Variants in PHACTR3 observed in about 807,000 individuals in gnomAD.
PHACTR3 encodes the protein phosphatase and actin regulator 3.
A neutral mutation model predicts 66.8 loss-of-function variants in PHACTR3; 16 were observed. That is an observed-to-expected ratio of 0.24 (90% CI 0.16 to 0.36). The LOEUF (loss-of-function observed/expected upper bound fraction) is 0.36. Among genes scored for constraint, PHACTR3 ranks in the 10% least tolerant of loss-of-function variants. The pLI is 1.00. For missense variants in PHACTR3, 647 were observed against 719.9 expected (o/e 0.90, Z 1.16); for synonymous variants, 323 against 292.1 (o/e 1.11, Z -1.08).
chr20:59,825,082 G>A (rs548862161), intron 8 of PHACTR3, among the ~76,000 whole-genome samples: 40 of 152,328 alleles, frequency 2.6e-4, no homozygotes, highest in African/African-American at 9.4e-4. Flanking sequence ...GCCAGCTTGA[G>A]AGGCTGTGCA....
chr20:59,783,029 C>T (rs1019162113), intron 7 of PHACTR3, among the ~76,000 whole-genome samples: 3 of 152,150 alleles, frequency 2.0e-5, no homozygotes, highest in East Asian at 1.9e-4. Context: ...ATTTGAATGC[C>T]ATTTTAAGTG....
At chr20:59,630,634 T>C (rs898522913) in intron 1 of PHACTR3, among the ~76,000 whole-genome samples, 1 of 152,138 alleles carries the variant, frequency 6.6e-6, no homozygotes, top group African/African-American at 2.4e-5. Flanking sequence ...GTGAGTGAAG[T>C]TGGGGAGACA....
chr20:59,706,450 A>G lies in PHACTR3; in HGVS notation c.119-36657A>G, dbSNP rs1338377513. Among the ~76,000 whole-genome samples the G allele has an allele frequency of 5.9e-5, 9 of 152,332 alleles. No individual in the cohort carries two copies. The South Asian group carries it at 1.9e-3, about 32-fold the overall frequency. ...TCTGGAGACTTTTGCAAAGGTGGGAATGGGGACACATGGCACTGTGACCCC... is the reference window on the plus strand; with the variant it reads ...TCTGGAGACTTTTGCAAAGGTGGGAGTGGGGACACATGGCACTGTGACCCC... On this transcript the variant is annotated intron_variant, in intron 1 of 12. Coordinates refer to ENST00000371015, the MANE Select transcript of PHACTR3 (RefSeq NM_080672.5).
At chr20:59,581,880 CAAAA>C (rs11478164) in intron 1 of PHACTR3, among the ~76,000 whole-genome samples, 3 of 133,462 alleles carry the variant, frequency 2.2e-5, no homozygotes, top group Non-Finnish European at 1.7e-5. Context: ...GACTCCGTCT[CAAAA>C]AAAAAAAAAA....
At chr20:59,622,758 G>A (rs1878449042) in intron 1 of PHACTR3, among the ~76,000 whole-genome samples, 1 of 151,872 alleles carries the variant, frequency 6.6e-6, no homozygotes, top group Non-Finnish European at 1.5e-5. Context: ...GCTCCCATCT[G>A]TCCATCTGTC....
intron 7 of PHACTR3, among the ~76,000 whole-genome samples, chr20:59,775,837 A>G (rs183678399): frequency 6.6e-6 from 1 of 152,340 alleles, no homozygotes; most frequent in African/African-American, 2.4e-5. Context: ...GTCAAGGGCT[A>G]GAGCACGGTC....
intron 1 of PHACTR3, among the ~76,000 whole-genome samples, chr20:59,717,491 T>A (rs1313127221): frequency 6.6e-6 from 1 of 152,206 alleles, no homozygotes; most frequent in East Asian, 1.9e-4. Context: ...CTCATTTAAC[T>A]GTGACAACAG....
At chr20:59,767,933 T>G (rs2040237211) in intron 5 of PHACTR3, among the ~76,000 whole-genome samples, 1 of 152,120 alleles carries the variant, frequency 6.6e-6, no homozygotes, top group Admixed American at 6.6e-5. Context: ...TGCTTCTCTC[T>G]GAGTCTCAGT....
At chr20:59,597,206 T>C (rs889227870) in intron 1 of PHACTR3, among the ~76,000 whole-genome samples, 2 of 152,226 alleles carry the variant, frequency 1.3e-5, no homozygotes, top group African/African-American at 4.8e-5. Flanking sequence ...TCAACTTCAT[T>C]GTTTGTAAGA....
chr20:59,778,494 C>G (rs1375187041), intron 7 of PHACTR3, among the ~76,000 whole-genome samples: 3 of 152,228 alleles, frequency 2.0e-5, no homozygotes, highest in Admixed American at 6.5e-5. Flanking sequence ...CAGGAAGCCA[C>G]CTGGCCGCTG....
Position 59,673,076 on chromosome 20 carries a change from GTC to G in PHACTR3, c.118+67950_118+67951del, listed in dbSNP as rs138500307. 8.6e-3 allele frequency among the ~76,000 whole-genome samples: 1,314 copies of G among 152,312 alleles called. 24 individuals carry two copies. Among genetic ancestry groups the G allele is most frequent in the African/African-American group, 0.029 (1,223 of 41,562 alleles). On this transcript the variant is annotated intron_variant, in intron 1 of 12. Transcript: ENST00000371015. ...AGGAGGGTACCTCATCTCCCTCAGCGTCTCTCTAGTGTGTGAGGCTGTGTAGT... is the reference window on the plus strand; with the variant it reads ...AGGAGGGTACCTCATCTCCCTCAGCGTCTCTAGTGTGTGAGGCTGTGTAGT...
At chr20:59,734,526 G>A (rs2038877781) in intron 1 of PHACTR3, among the ~76,000 whole-genome samples, 1 of 152,114 alleles carries the variant, frequency 6.6e-6, no homozygotes, top group South Asian at 2.1e-4. Flanking sequence ...CCAAGCCACT[G>A]AGCCCAGGCC....
At chr20:59,840,466 G>C (rs749232468) in intron 10 of PHACTR3, 36 bp downstream of exon 10, 1 of 1,610,230 alleles carries the variant, frequency 6.2e-7, no homozygotes, top group South Asian at 1.1e-5. Flanking sequence ...ATAATAAAAG[G>C]TGGTCTAGAG....
chr20:59,747,573 A>G (rs537625238), intron 2 of PHACTR3, among the ~76,000 whole-genome samples, 185 bp from the exon 3 acceptor site: 2 of 152,366 alleles, frequency 1.3e-5, no homozygotes, highest in East Asian at 1.9e-4. Flanking sequence ...GTTTATGCAC[A>G]TTGCTTAGCA....
chr20:59,757,494 G>T (rs2039841938), intron 4 of PHACTR3, among the ~76,000 whole-genome samples: 1 of 151,186 alleles, frequency 6.6e-6, no homozygotes, highest in African/African-American at 2.4e-5. Context: ...CAAAGACAGG[G>T]GACAGGAACA....
At chr20:59,805,873 G>C (rs144579744) in intron 7 of PHACTR3, among the ~76,000 whole-genome samples, 168 bp from the exon 8 acceptor site, 2 of 152,324 alleles carry the variant, frequency 1.3e-5, no homozygotes, top group Non-Finnish European at 2.9e-5. Context: ...TGTTCCACTG[G>C]AAAGTGCCGC....
chr20:59,839,622 T>C (rs2059022507), intron 9 of PHACTR3, among the ~76,000 whole-genome samples: 1 of 152,206 alleles, frequency 6.6e-6, no homozygotes, highest in African/African-American at 2.4e-5. Context: ...GCTTACGTTT[T>C]ATACTATATC....
chr20:59,649,560 AGAAG>A (rs2035392795), intron 1 of PHACTR3, among the ~76,000 whole-genome samples: 2 of 152,202 alleles, frequency 1.3e-5, no homozygotes, highest in African/African-American at 4.8e-5. Context: ...TTGGTTTTGA[AGAAG>A]AGCTTCTCCA....
chr20:59,787,747 C>T (rs2040961551), intron 7 of PHACTR3, among the ~76,000 whole-genome samples: 1 of 152,144 alleles, frequency 6.6e-6, no homozygotes, highest in African/African-American at 2.4e-5. Context: ...CAGACAGAGC[C>T]TGACTTTTCC....
Sources: gnomAD v4.1 joint callset for allele counts (sites outside exome capture counted in the v4.1 genomes callset) on GRCh38, gnomAD v4.1.1 for gene constraint, MANE v1.5 for transcripts, NCBI Gene and HGNC (gene_info 2026-07-23, HGNC 2026-07-21) for gene names.